Variants in PALB2 observed in about 807,000 individuals in gnomAD.
PALB2 encodes the protein mutant partner and localizer of BRCA2.
A neutral mutation model predicts 107.4 loss-of-function variants in PALB2; 82 were observed. That is an observed-to-expected ratio of 0.76 (90% CI 0.64 to 0.92). The LOEUF (loss-of-function observed/expected upper bound fraction) is 0.92, where lower values mean the gene tolerates loss of function less well. PALB2 is among the 40% of genes least tolerant of loss of function. The pLI, the probability that PALB2 is intolerant of heterozygous loss-of-function variation, is 0.00. For missense variants in PALB2, 1,374 were observed against 1,379.9 expected, an observed-to-expected ratio of 1.00 and a Z score of 0.07; for synonymous variants, 489 against 496.8, an observed-to-expected ratio of 0.98 and a Z score of 0.21.
intron 4 of PALB2, among the ~76,000 whole-genome samples, chr16:23,632,600 T>C (rs1363516354): frequency 6.6e-6 from 1 of 151,766 alleles, no homozygotes; most frequent in Non-Finnish European, 1.5e-5. Context: ...GGGGAGGAAA[T>C]GGGTAGCAGC....
chr16:23,627,270 G>A (rs1331775561), intron 6 of PALB2, among the ~76,000 whole-genome samples: 1 of 151,680 alleles, frequency 6.6e-6, no homozygotes, highest in Admixed American at 6.6e-5. Flanking sequence ...GGTGGATCAT[G>A]AGGTCAGGAG....
At chr16:23,604,306 C>G (rs1473935988) in intron 12 of PALB2, among the ~76,000 whole-genome samples, 1 of 152,212 alleles carries the variant, frequency 6.6e-6, no homozygotes, top group Non-Finnish European at 1.5e-5. Flanking sequence ...AATTCTAACT[C>G]TACAAAGTAA....
rs515726097 is a variant in PALB2, at chr16:23,623,989, A to G, written c.2834+20T>C. ...GACAAAGATGAAGGAAAAACAAATC[A>G]CTCCTTGGGAATTACATACCTGATC... On this transcript the variant is annotated intron_variant, in intron 8 of 12. Coordinates refer to ENST00000261584, the MANE Select transcript of PALB2 (RefSeq NM_024675.4). 3 of 1,522,876 alleles carry G rather than the reference A, an allele frequency of 2.0e-6. No individual in the cohort carries two copies. The African/African-American group carries it at 4.1e-5, about 21-fold the overall frequency. 94.3% of individuals were successfully genotyped at this position (1,522,876 alleles called of 1,614,324 possible).
At chr16:23,613,809 C>A (rs1966629555) in intron 11 of PALB2, among the ~76,000 whole-genome samples, 195 bp downstream of exon 11, 1 of 152,096 alleles carries the variant, frequency 6.6e-6, no homozygotes, top group South Asian at 2.1e-4. Flanking sequence ...GGTCCTACAG[C>A]CAGAAAATTT....
Position 23,629,652 on chromosome 16 carries a change from A to G in PALB2, c.2502T>C (p.His834=), listed in dbSNP as rs1060504703. 1 of 1,614,094 alleles carries G rather than the reference A, an allele frequency of 6.2e-7. No homozygotes were observed. Among genetic ancestry groups the G allele is most frequent in the Non-Finnish European group, 8.5e-7 (1 of 1,179,952 alleles). Residue 834 remains histidine (H), a synonymous_variant, in exon 5 of 13, where the codon CAT becomes CAC. Coordinates refer to ENST00000261584, the MANE Select transcript of PALB2 (RefSeq NM_024675.4). ...AAATGGATTGTACCTGTTCGACGGA[A>G]TGTTTATGCAGCTCCTGGCATGTGT... ...CRNTCQELHK[H]SVEQTETAEL...
At chr16:23,638,954 G>A (rs1967134595) in intron 1 of PALB2, among the ~76,000 whole-genome samples, 1 of 152,160 alleles carries the variant, frequency 6.6e-6, no homozygotes, top group South Asian at 2.1e-4. Context: ...CACGCAGAAG[G>A]CCAGTGAGGT....
chr16:23,635,023 G>A lies in PALB2; in HGVS notation c.1523C>T (p.Pro508Leu), dbSNP rs2142413565. The part of the protein sequence containing the change: ...DLSRKAVAQA[P>L]GRRYTGKRKS... ...TCTTTTTCCTGTGTATCTTCTACCAGGTGCTTGGGCAACTGCCTTCCTAGA... is the reference window on the plus strand; with the variant it reads ...TCTTTTTCCTGTGTATCTTCTACCAAGTGCTTGGGCAACTGCCTTCCTAGA... The change falls in exon 4 of 13, where the codon CCT (proline) becomes CTT (leucine). Residue 508 changes from proline (P) to leucine (L), a missense_variant. Transcript: ENST00000261584. The A allele has an allele frequency of 6.2e-7, 1 of 1,614,164 alleles. No individual in the cohort carries two copies.
intron 10 of PALB2, among the ~76,000 whole-genome samples, chr16:23,618,694 AT>A (rs1028000680): frequency 4.6e-5 from 7 of 152,226 alleles, no homozygotes; most frequent in Non-Finnish European, 7.3e-5. Context: ...TAAAAAAAAA[AT>A]ATCAAGTTTG....
At chr16:23,639,995 C>T (rs1404931316) in intron 1 of PALB2, among the ~76,000 whole-genome samples, 1 of 151,976 alleles carries the variant, frequency 6.6e-6, no homozygotes, top group Non-Finnish European at 1.5e-5. Flanking sequence ...AAGCGATTCT[C>T]GTGCATCAGC....
At chr16:23,614,873 A>G (rs1966656365) in intron 10 of PALB2, among the ~76,000 whole-genome samples, 1 of 149,688 alleles carries the variant, frequency 6.7e-6, no homozygotes, top group African/African-American at 2.5e-5. Context: ...GATGGTCTTG[A>G]TCTCCTGACC....
In PALB2 at chr16:23,623,043, C is replaced by A. The variant is rs730881892; in HGVS notation, c.2922G>T (p.Lys974Asn). 7 of 1,614,030 alleles carry A rather than the reference C, an allele frequency of 4.3e-6. No homozygotes were observed. The highest frequency in any genetic ancestry group is 5.9e-6 in the Non-Finnish European group (7 of 1,180,030). Residue 974 changes from lysine (K) to asparagine (N), a missense_variant, in exon 9 of 13, where the codon AAG becomes AAT. Coordinates refer to ENST00000261584, the MANE Select transcript of PALB2 (RefSeq NM_024675.4). ...TCCCACTGCTACTAACTAGCCTCCTCTTTGTCAGGCCAAGCACAGCTTTTA... is the reference window on the plus strand; with the variant it reads ...TCCCACTGCTACTAACTAGCCTCCTATTTGTCAGGCCAAGCACAGCTTTTA... ...GNIKAVLGLTKRRLVSSSGTL... is the reference protein window; with the variant it reads ...GNIKAVLGLTNRRLVSSSGTL...
intron 10 of PALB2, among the ~76,000 whole-genome samples, chr16:23,615,515 G>A (rs1445329088): frequency 6.6e-6 from 1 of 151,474 alleles, no homozygotes; most frequent in East Asian, 1.9e-4. Context: ...ATATTGCCCA[G>A]GCTGGTCTTG....
intron 11 of PALB2, among the ~76,000 whole-genome samples, chr16:23,609,682 T>C (rs973309588): frequency 9.9e-5 from 15 of 152,026 alleles, no homozygotes; most frequent in Admixed American, 6.6e-4. Flanking sequence ...CACGCCCGGC[T>C]AATTTTTTGT....
At chr16:23,618,461 T>C (rs1341188992) in intron 10 of PALB2, among the ~76,000 whole-genome samples, 2 of 152,168 alleles carry the variant, frequency 1.3e-5, no homozygotes, top group Non-Finnish European at 2.9e-5. Context: ...GACATTTTTG[T>C]ACTAGAGCAC....
Position 23,629,717 on chromosome 16 carries a change from T to G in PALB2, c.2437A>C (p.Ile813Leu), listed in dbSNP as rs766396469. ...DSVPPGTPPP[I>L]ESFTFKENQL... Reference sequence around the variant, plus strand: ...TTTTCTTTAAAAGTGAATGACTCAATGGGTGGAGGTGTTCCTGGCGGGACA... The same window carrying G: ...TTTTCTTTAAAAGTGAATGACTCAAGGGGTGGAGGTGTTCCTGGCGGGACA... Residue 813 changes from isoleucine (I) to leucine (L), a missense_variant, in exon 5 of 13, where the codon ATT becomes CTT. Physicochemically the swap from Ile to Leu is conservative, Grantham distance 5. Transcript: ENST00000261584. 6.2e-7 allele frequency: 1 copy of G among 1,614,186 alleles called. No homozygotes were observed. Among genetic ancestry groups the G allele is most frequent in the Admixed American group, 1.7e-5 (1 of 60,016 alleles).
rs1567221020 is a variant in PALB2 at position 23,635,116 on chromosome 16, G to C, written c.1430C>G (p.Thr477Ser). Reference protein sequence around the residue: ...GTCTGQPSSRTSQKLLSLTKV... With the variant: ...GTCTGQPSSRSSQKLLSLTKV... ...AGTTAATGAGAGAAGTTTCTGAGAG[G>C]TTCTTGAACTTGGTTGTCCTGTGCA... is the stretch of plus-strand genomic sequence containing the variant. The change falls in exon 4 of 13, where the codon ACC becomes AGC. Residue 477 changes from threonine to serine, a missense_variant. Thr to Ser is a moderately conservative substitution (Grantham distance 58). Coordinates refer to ENST00000261584, the MANE Select transcript of PALB2 (RefSeq NM_024675.4). 6.2e-7 allele frequency: 1 copy of C among 1,614,120 alleles called. No individual in the cohort carries two copies. Among genetic ancestry groups the C allele is most frequent in the Non-Finnish European group, 8.5e-7 (1 of 1,180,004 alleles).
chr16:23,637,782 G>T, intron 3 of PALB2, 68 bp downstream of exon 3: 1 of 1,255,456 alleles, frequency 8.0e-7, no homozygotes, highest in Non-Finnish European at 1.2e-6. Flanking sequence ...GTGGGAAAAA[G>T]AACAATAGCC....
At chr16:23,616,872 G>A (rs1966692755) in intron 10 of PALB2, among the ~76,000 whole-genome samples, 1 of 151,792 alleles carries the variant, frequency 6.6e-6, no homozygotes, top group Non-Finnish European at 1.5e-5. Context: ...GAGTGCAGTG[G>A]CGTGATCTCC....
At chr16:23,624,536 G>A (rs571776703) in intron 7 of PALB2, among the ~76,000 whole-genome samples, 6 of 151,722 alleles carry the variant, frequency 4.0e-5, no homozygotes, top group Non-Finnish European at 7.4e-5. Flanking sequence ...TTTTTGAGTC[G>A]GAGTTTCACT....
Sources: gnomAD v4.1 joint callset for allele counts (sites outside exome capture counted in the v4.1 genomes callset) on GRCh38, gnomAD v4.1.1 for gene constraint, MANE v1.5 for transcripts, NCBI Gene and HGNC (gene_info 2026-07-23, HGNC 2026-07-21) for gene names.